Variants in MYO10 observed in about 807,000 individuals in gnomAD.
MYO10 encodes unconventional myosin-X.
MYO10 carries 133 observed loss-of-function variants against 257.3 expected under a neutral mutation model. The ratio of observed to expected loss-of-function variants is 0.52; its 90% confidence interval spans 0.45 to 0.60. The LOEUF is 0.60. Among genes scored for constraint, MYO10 ranks in the 20% least tolerant of loss-of-function variants. The pLI is 0.00. For synonymous variants in MYO10, 1,104 were observed against 1,028.6 expected (o/e 1.07, Z -1.40); for missense variants, 2,399 against 2,635.7 (o/e 0.91, Z 1.97).
intron 2 of MYO10, among the ~76,000 whole-genome samples, chr5:16,828,684 G>A (rs542259153): frequency 1.3e-5 from 2 of 151,664 alleles, no homozygotes; most frequent in Admixed American, 6.6e-5. Context: ...AGGGTAGAGA[G>A]GAGGAAGGAC....
chr5:16,675,460 AG>A (rs1736681011), intron 34 of MYO10, among the ~76,000 whole-genome samples: 1 of 152,186 alleles, frequency 6.6e-6, no homozygotes, highest in Admixed American at 6.5e-5. Context: ...CTACTCGGCC[AG>A]GTGCAATGGC....
chr5:16,694,288 A>C, intron 27 of MYO10, 83 bp downstream of exon 27: 1 of 1,581,340 alleles, frequency 6.3e-7, no homozygotes, highest in East Asian at 2.2e-5. Context: ...TGCCGCTGCA[A>C]GGAACTTGCA....
chr5:16,919,513 ACCTC>A (rs1350675022), intron 1 of MYO10, among the ~76,000 whole-genome samples: 1 of 152,102 alleles, frequency 6.6e-6, no homozygotes, highest in East Asian at 1.9e-4. Context: ...TGAGCAGACT[ACCTC>A]CCTTCTCTAA....
In MYO10 at chr5:16,681,369, G is replaced by C. The variant is rs370406954; in HGVS notation, c.4324C>G (p.Leu1442Val). 6.2e-7 allele frequency: 1 copy of C among 1,614,022 alleles called. No individual in the cohort carries two copies. The highest frequency in any genetic ancestry group is 1.7e-5 in the Admixed American group (1 of 60,018). Reference sequence around the variant, plus strand: ...ACAGAGCAGAGGCTGTTGAGGACCAGGGTCCCCAGTTTGAGCGCGTTCTTC... The same window carrying C: ...ACAGAGCAGAGGCTGTTGAGGACCACGGTCCCCAGTTTGAGCGCGTTCTTC... ...SEKNALKLGT[L>V]VLNSLCSVVP... The change falls in exon 32 of 41, where the codon CTG (leucine) becomes GTG (valine). Residue 1442 changes from leucine (L) to valine (V), a missense_variant. Leu to Val is a conservative substitution (Grantham distance 32). Around this residue, in one of 3 missense-constraint regions of MYO10, gnomAD observed 1,820 missense variants for 1,939.4 expected, o/e 0.94. Transcript: ENST00000513610.
At chr5:16,707,410 G>T (rs1025069923) in intron 21 of MYO10, among the ~76,000 whole-genome samples, 5 of 152,206 alleles carry the variant, frequency 3.3e-5, no homozygotes, top group Non-Finnish European at 7.3e-5. Context: ...GCTGAGCAAA[G>T]GGTGGTACCC....
At chr5:16,713,390 T>C (rs1219186958) in intron 19 of MYO10, 2 of 985,830 alleles carry the variant, frequency 2.0e-6, no homozygotes, top group East Asian at 1.1e-4. Context: ...CCAAAATTCA[T>C]ATGGAAAACA....
At chr5:16,693,804 C>T (rs534304162) in intron 27 of MYO10, among the ~76,000 whole-genome samples, 9 of 152,202 alleles carry the variant, frequency 5.9e-5, no homozygotes, top group South Asian at 2.1e-4. Flanking sequence ...AAATAATAGG[C>T]CCTCAATAGT....
intron 36 of MYO10, among the ~76,000 whole-genome samples, 155 bp downstream of exon 36, chr5:16,673,527 C>A (rs1158432310): frequency 6.6e-6 from 1 of 152,138 alleles, no homozygotes; most frequent in East Asian, 1.9e-4. Context: ...CGTGTGGTTG[C>A]TTCTGGGTTA....
chr5:16,735,375 G>A (rs1486530705), intron 19 of MYO10, among the ~76,000 whole-genome samples: 12 of 152,138 alleles, frequency 7.9e-5, no homozygotes, highest in East Asian at 1.9e-4. Flanking sequence ...CGAGAAAACC[G>A]TGGGACCAGG....
At chr5:16,762,684 G>T in intron 14 of MYO10, 47 bp from the exon 15 acceptor site, 1 of 1,392,732 alleles carries the variant, frequency 7.2e-7, no homozygotes, top group Non-Finnish European at 9.9e-7. Flanking sequence ...AATGTGGCTG[G>T]GTGCATGGGT....
In MYO10 at chr5:16,828,568, T is replaced by G. The variant is rs978002139; in HGVS notation, c.121-10401A>C. 3.5e-5 allele frequency among the ~76,000 whole-genome samples: 5 copies of G among 143,320 alleles called. No homozygotes were observed. The South Asian group carries it at 8.7e-4, about 25-fold the overall frequency. 94.0% of individuals were successfully genotyped at this position (143,320 alleles called of 152,430 possible). A position where few individuals can be genotyped will look rare whatever the true frequency, so the allele number is the denominator to read the frequency against. On this transcript the variant is annotated intron_variant, in intron 2 of 40. Transcript: ENST00000513610. ...CGAGGAGGTGCAGGTTGCAGTGAGC[T>G]GAGATTGCGCCACTGCACTCCAGCC...
intron 19 of MYO10, among the ~76,000 whole-genome samples, chr5:16,722,508 T>A (rs1016819506): frequency 1.8e-3 from 13 of 7,258 alleles, no homozygotes; most frequent in African/African-American, 6.1e-3. Context: ...ATGAAAACGT[T>A]TTTTTGCTTT....
chr5:16,716,338 C>A (rs1004474932), intron 19 of MYO10, among the ~76,000 whole-genome samples: 7 of 151,896 alleles, frequency 4.6e-5, no homozygotes, highest in Non-Finnish European at 5.9e-5. Flanking sequence ...TTACCTCCTG[C>A]AGCTTATTTA....
intron 21 of MYO10, among the ~76,000 whole-genome samples, chr5:16,706,112 G>A (rs1331303259): frequency 6.6e-6 from 1 of 152,122 alleles, no homozygotes; most frequent in Non-Finnish European, 1.5e-5. Context: ...GAACCTGGGA[G>A]GCAGAGGTTG....
chr5:16,755,109 C>T (rs1413618018), intron 18 of MYO10, among the ~76,000 whole-genome samples: 7 of 152,056 alleles, frequency 4.6e-5, no homozygotes, highest in African/African-American at 1.4e-4. Context: ...TGAAATTATT[C>T]GATAATACAC....
chr5:16,884,030 G>C (rs74450107), intron 1 of MYO10, among the ~76,000 whole-genome samples: 3,704 of 152,274 alleles, frequency 0.024, 60 homozygotes, highest in Middle Eastern at 0.037. Flanking sequence ...CTCAGTTCAG[G>C]ATTCTCTGGC....
chr5:16,767,243 T>G (rs1318706083), intron 10 of MYO10, among the ~76,000 whole-genome samples: 1 of 146,906 alleles, frequency 6.8e-6, no homozygotes, highest in Non-Finnish European at 1.5e-5. Context: ...TGATCTCGGC[T>G]CACTGCAACC....
At position 16,663,894 on chromosome 5, in the gene MYO10, T is replaced by TG. The variant is rs1736063713; in HGVS notation, c.*2797dup. The stretch of plus-strand genomic sequence containing the variant: ...TCTGTGAATTTTGTATCCTCAGGGG[T>TG]GGGGGGAGGGGGTCCTGGAACCAAT... On this transcript the variant is annotated 3_prime_UTR_variant, in exon 41 of 41. Transcript: ENST00000513610. 3.5e-5 allele frequency: 2 copies of TG among 56,670 alleles called. No homozygotes were observed. Among genetic ancestry groups the TG allele is most frequent in the African/African-American group, 7.2e-5 (1 of 13,858 alleles). 3.5% of individuals were successfully genotyped at this position (56,670 alleles called of 1,614,324 possible). A position where few individuals can be genotyped will look rare whatever the true frequency, so the allele number is the denominator to read the frequency against.
chr5:16,832,710 T>C (rs1005002525), intron 2 of MYO10, among the ~76,000 whole-genome samples: 11 of 152,188 alleles, frequency 7.2e-5, no homozygotes, highest in African/African-American at 1.9e-4. Context: ...TCAGGTAACA[T>C]GGCTATCACA....
Sources: gnomAD v4.1 joint callset for allele counts (sites outside exome capture counted in the v4.1 genomes callset) on GRCh38, gnomAD v4.1.1 for gene constraint, gnomAD v4.1.1 regional missense constraint, MANE v1.5 for transcripts, NCBI Gene and HGNC (gene_info 2026-07-23, HGNC 2026-07-21) for gene names.